Variants in SEC16A observed in about 807,000 individuals in gnomAD.
SEC16A encodes the protein SEC16 homolog A, endoplasmic reticulum export factor, also known as protein transport protein Sec16A.
Under a neutral mutation model 221.9 loss-of-function variants are expected in SEC16A, and 110 were observed. The ratio of observed to expected loss-of-function variants is 0.50; its 90% CI spans 0.42 to 0.58. SEC16A has a LOEUF of 0.58. SEC16A is among the 20% of genes least tolerant of loss of function. The pLI is 0.00. For missense variants in SEC16A, 3,165 were observed against 3,097.8 expected (o/e 1.02, Z -0.52); for synonymous variants, 1,393 against 1,257.7 (o/e 1.11, Z -2.28).
intron 18 of SEC16A, 89 bp from the exon 19 acceptor site, chr9:136,456,255 T>C (rs1442599189): frequency 1.4e-5 from 13 of 922,726 alleles, no homozygotes; most frequent in Non-Finnish European, 1.9e-5. Flanking sequence ...GCAGCTTCAG[T>C]GTTCACTGGC....
rs1210293842 is a variant in SEC16A at position 136,475,727 on chromosome 9, T to C, written c.1889A>G (p.Asn630Ser). The part of the protein sequence containing the change: ...GVKPFEADRA[N>S]VVGEVRETCV... The stretch of plus-strand genomic sequence containing the variant: ...GGTCTCCCTTACTTCACCAACCACG[T>C]TGGCGCGATCTGCCTCAAATGGTTT... The change falls in exon 3 of 32, where the codon AAC becomes AGC. Residue 630 changes from asparagine (N) to serine (S), a missense_variant. By Grantham distance (46) the Asn-to-Ser change is conservative. Around this residue, in one of 3 missense-constraint regions of SEC16A, gnomAD observed 2,030 missense variants for 1,923.1 expected, o/e 1.06. Coordinates refer to ENST00000684901, the MANE Select transcript of SEC16A (RefSeq NM_014866.2). The surrounding 1 kb of genome is among the most constrained non-coding windows in gnomAD (Gnocchi z 5.0). The C allele has an allele frequency of 5.6e-6, 9 of 1,611,610 alleles. No individual in the cohort carries two copies. The highest frequency in any genetic ancestry group is 7.6e-6 in the Non-Finnish European group (9 of 1,178,910).
At position 136,476,667 on chromosome 9, in the gene SEC16A, G is replaced by C; in HGVS notation, c.949C>G (p.Leu317Val). The change falls in exon 3 of 32, where the codon CTC (leucine) becomes GTC (valine). Residue 317 changes from leucine (L) to valine (V), a missense_variant. By Grantham distance (32) the Leu-to-Val change is conservative. Transcript: ENST00000684901. ...RIVNHWASPE[L>V]RQNPGVKNEH... Reference sequence around the variant, plus strand: ...TTCTTCACTCCTGGATTCTGCCTGAGCTCTGGGCTTGCCCAGTGATTCACA... The same window carrying C: ...TTCTTCACTCCTGGATTCTGCCTGACCTCTGGGCTTGCCCAGTGATTCACA... The C allele has an allele frequency of 1.9e-6, 3 of 1,570,642 alleles. No homozygotes were observed. Among genetic ancestry groups the C allele is most frequent in the Middle Eastern group, 3.4e-4 (2 of 5,870 alleles).
At position 136,476,649 on chromosome 9, in the gene SEC16A, C is replaced by T; in HGVS notation, c.967G>A (p.Val323Met). ...GAGGCGGGCCGGTGCTCATTCTTCA[C>T]TCCTGGATTCTGCCTGAGCTCTGGG... ...ASPELRQNPG[V>M]KNEHRPASAL... Residue 323 changes from valine (V) to methionine (M), a missense_variant, in exon 3 of 32, where the codon GTG (valine) becomes ATG (methionine). Physicochemically the swap from Val to Met is conservative, Grantham distance 21. This residue lies in a region of SEC16A where 2,030 missense variants were observed against 1,923.1 expected (regional missense o/e 1.06). Coordinates refer to ENST00000684901, the MANE Select transcript of SEC16A (RefSeq NM_014866.2). 2.5e-6 allele frequency: 4 copies of T among 1,573,274 alleles called. No homozygotes were observed. Among genetic ancestry groups the T allele is most frequent in the East Asian group, 2.2e-5 (1 of 44,508 alleles).
intron 11 of SEC16A, 92 bp from the exon 12 acceptor site, chr9:136,463,224 C>T: frequency 2.0e-6 from 3 of 1,517,594 alleles, no homozygotes; most frequent in Non-Finnish European, 2.7e-6. Context: ...ACCCTGGACA[C>T]AGCCAGACCC....
At chr9:136,467,175 T>C (rs1340784296) in intron 5 of SEC16A, 92 bp from the exon 6 acceptor site, 2 of 1,482,068 alleles carry the variant, frequency 1.3e-6, no homozygotes, top group Non-Finnish European at 1.9e-6. Context: ...CCCAGGACTT[T>C]ATGCTCCAAG....
chr9:136,445,686 C>T lies in SEC16A; in HGVS notation c.6826G>A (p.Glu2276Lys). 6.4e-7 allele frequency: 1 copy of T among 1,551,892 alleles called. No homozygotes were observed. Among genetic ancestry groups the T allele is most frequent in the Non-Finnish European group, 8.7e-7 (1 of 1,148,232 alleles). The change falls in exon 29 of 32, where the codon GAA becomes AAA. Residue 2276 changes from glutamate (E) to lysine (K), a missense_variant. Around this residue, in one of 3 missense-constraint regions of SEC16A, gnomAD observed 1,088 missense variants for 1,089.6 expected, o/e 1.00. Transcript: ENST00000684901. ...CCCTCAGGCCTGGAGGAGGGGAGTT[C>T]AGAGCCAGGGAGTGACGCTGCAGAG... ...LSSAASLPGS[E>K]LPSSRPEGSQ...
At chr9:136,460,800 C>A (rs1839369218) in intron 13 of SEC16A, among the ~76,000 whole-genome samples, 1 of 152,090 alleles carries the variant, frequency 6.6e-6, no homozygotes, top group Non-Finnish European at 1.5e-5. Flanking sequence ...GTGGTCTCAA[C>A]TACTTGGGAG....
chr9:136,452,809 A>G (rs1346082763), intron 22 of SEC16A, among the ~76,000 whole-genome samples: 3 of 145,240 alleles, frequency 2.1e-5, no homozygotes, highest in Non-Finnish European at 4.5e-5. Flanking sequence ...TTGGTGGATC[A>G]CACCTGTAAT....
chr9:136,483,460 C>A, upstream of SEC16A: 7 of 891,378 alleles, frequency 7.9e-6, no homozygotes, highest in Non-Finnish European at 9.4e-6. Flanking sequence ...CTCGGCCGTC[C>A]TTCCCCGCCC....
At chr9:136,441,860 G>A (rs892721953) in intron 31 of SEC16A, 37 bp from the exon 32 acceptor site, 2 of 1,574,726 alleles carry the variant, frequency 1.3e-6, no homozygotes, top group South Asian at 1.1e-5. Context: ...CTGCATGCCT[G>A]CCCCCAGGGT....
chr9:136,478,915 CT>C (rs1426769839), intron 1 of SEC16A, among the ~76,000 whole-genome samples, 85 bp from the exon 2 acceptor site: 1 of 151,742 alleles, frequency 6.6e-6, no homozygotes, highest in Non-Finnish European at 1.5e-5. Flanking sequence ...ATCTAAATGC[CT>C]TTTATCACAC....
In SEC16A at chr9:136,464,385, G is replaced by A. The variant is rs767967758; in HGVS notation, c.4446+35C>T. 3 of 1,572,776 alleles carry A rather than the reference G, an allele frequency of 1.9e-6. No individual in the cohort carries two copies. In the African/African-American group the frequency reaches 4.1e-5, roughly 21 times the overall value. On this transcript the variant is annotated intron_variant, in intron 9 of 31. Coordinates refer to ENST00000684901, the MANE Select transcript of SEC16A (RefSeq NM_014866.2). ...AAGCAGAGAGTTCCCCAGGGCAGCA[G>A]AGCAGTGACGCCACGCTTCTGCGTG...
At position 136,472,127 on chromosome 9, in the gene SEC16A, T is replaced by C; in HGVS notation, c.3568-16A>G. The C allele has an allele frequency of 6.2e-7, 1 of 1,613,276 alleles. No individual in the cohort carries two copies. Among genetic ancestry groups the C allele is most frequent in the Non-Finnish European group, 8.5e-7 (1 of 1,179,796 alleles). On this transcript the variant is annotated splice_polypyrimidine_tract_variant and intron_variant, in intron 3 of 31. Coordinates refer to ENST00000684901, the MANE Select transcript of SEC16A (RefSeq NM_014866.2). ...TGTAGACATCCTGTGGGAGGAAGCA[T>C]TTGGGCAGGATTAGACACCAATCAA...
chr9:136,481,228 G>A (rs11145759), intron 1 of SEC16A, among the ~76,000 whole-genome samples: 3 of 134,406 alleles, frequency 2.2e-5, no homozygotes, highest in Non-Finnish European at 4.6e-5. Flanking sequence ...TCCGCCCCCC[G>A]GGGTTCACGC....
At chr9:136,448,547 C>G (rs57192211) in intron 23 of SEC16A, 141 of 696,212 alleles carry the variant, frequency 2.0e-4, no homozygotes, top group Non-Finnish European at 2.7e-4. Flanking sequence ...TCCACAGAGA[C>G]GCCAGGAGGA....
At chr9:136,478,402 C>CAAAAA (rs34093106) in intron 2 of SEC16A, among the ~76,000 whole-genome samples, 2 of 95,246 alleles carry the variant, frequency 2.1e-5, no homozygotes, top group Admixed American at 1.0e-4. Flanking sequence ...GTCCCTAGCT[C>CAAAAA]AAAAAAAAAA....
intron 18 of SEC16A, 98 bp downstream of exon 18, chr9:136,457,346 C>T (rs754563518): frequency 1.1e-4 from 157 of 1,366,192 alleles, no homozygotes; most frequent in Middle Eastern, 7.5e-4. Flanking sequence ...CCACAATGCG[C>T]GTCTGAACCA....
At chr9:136,483,417 C>T, upstream of SEC16A, 1 of 805,748 alleles carries the variant, frequency 1.2e-6, no homozygotes, top group South Asian at 5.7e-5. Flanking sequence ...TTCTCCGCCT[C>T]ATCCTGTCGT....
chr9:136,451,272 G>T lies in SEC16A; in HGVS notation c.6296C>A (p.Thr2099Lys). The T allele has an allele frequency of 6.2e-7, 1 of 1,612,182 alleles. No homozygotes were observed. Among genetic ancestry groups the T allele is most frequent in the Non-Finnish European group, 8.5e-7 (1 of 1,179,134 alleles). ...KRPGQAAKKE[T>K]KEPKKGESWF... ...CTGTACTACCTTCTTAGGTTCCTTC[G>T]TTTCTTTCTTGGCTGCCTGTCCGGG... Residue 2099 changes from threonine to lysine, a missense_variant, in exon 23 of 32, where the codon ACG (threonine) becomes AAG (lysine). By Grantham distance (78) the Thr-to-Lys change is moderately conservative. Transcript: ENST00000684901.
Sources: allele counts gnomAD v4.1 joint callset (sites outside exome capture counted in the v4.1 genomes callset), GRCh38; gene constraint gnomAD v4.1.1; regional missense constraint gnomAD v4.1.1; non-coding constraint Gnocchi (gnomAD v3.1); transcripts MANE v1.5; gene names NCBI Gene and HGNC (gene_info 2026-07-23, HGNC 2026-07-21).